SH2D3A: variants seen among roughly 807,000 people sequenced by gnomAD.
The protein encoded by SH2D3A is SH2 domain-containing protein 3A.
In SH2D3A, 46 loss-of-function variants were observed where a neutral mutation model predicts 50.6. The ratio of observed to expected loss-of-function variants is 0.91; its 90% CI spans 0.72 to 1.16. The LOEUF (loss-of-function observed/expected upper bound fraction) is 1.16. SH2D3A is among the 50% of genes most tolerant of loss of function. The pLI, the probability that SH2D3A is intolerant of heterozygous loss-of-function variation, is 0.00. For synonymous variants in SH2D3A, 377 were observed against 348.4 expected (o/e 1.08, Z -0.91); for missense variants, 783 against 786.2 (o/e 1.00, Z 0.05).
chr19:6,752,819 C>G, intron 9 of SH2D3A, 66 bp from the exon 10 acceptor site: 2 of 1,445,356 alleles, frequency 1.4e-6, no homozygotes, highest in South Asian at 1.4e-5. Flanking sequence ...CCCAACCTCC[C>G]GGCACCTTCC....
chr19:6,752,640 G>A lies in SH2D3A; in HGVS notation c.1684C>T (p.Gln562Ter), dbSNP rs770127757. The change falls in exon 10 of 10, where the codon CAG becomes TAG. Residue 562 changes from glutamine to a stop codon, truncating the protein, a stop_gained. Transcript: ENST00000245908. LOFTEE classifies it low-confidence loss of function (END_TRUNC). Reference sequence around the variant, plus strand: ...TGCGACAGGACGCCGAGGACGCGCTGGAACTTCTCAAAGCGTTCAGCGCGC... The same window carrying A: ...TGCGACAGGACGCCGAGGACGCGCTAGAACTTCTCAAAGCGTTCAGCGCGC... Reference protein sequence around the residue: ...APRAERFEKFQRVLGVLSQRL... With the variant: ...APRAERFEKF The A allele has an allele frequency of 1.9e-6, 3 of 1,559,316 alleles. No homozygotes were observed. The highest frequency in any genetic ancestry group is 2.6e-6 in the Non-Finnish European group (3 of 1,151,412).
At chr19:6,756,868 C>G (rs1434665444) in intron 4 of SH2D3A, among the ~76,000 whole-genome samples, 2 of 151,672 alleles carry the variant, frequency 1.3e-5, no homozygotes, top group Non-Finnish European at 2.9e-5. Context: ...TCGTTCCTTC[C>G]TTCCTTCCTT....
chr19:6,759,098 C>G (rs2144612140), intron 4 of SH2D3A: 1 of 160,788 alleles, frequency 6.2e-6, no homozygotes, highest in Admixed American at 6.1e-5. Flanking sequence ...GGTACAGCTC[C>G]TTGGAATAAT....
Position 6,753,633 on chromosome 19 carries a change from C to A in SH2D3A, c.1393G>T (p.Asp465Tyr). The A allele has an allele frequency of 6.3e-7, 1 of 1,575,750 alleles. No individual in the cohort carries two copies. The highest frequency in any genetic ancestry group is 1.3e-5 in the African/African-American group (1 of 74,530). Residue 465 changes from aspartate to tyrosine, a missense_variant, in exon 9 of 10, where the codon GAC becomes TAC. Physicochemically the swap from Asp to Tyr is radical, Grantham distance 160. Transcript: ENST00000245908. ...RALDEGAGPC[D>Y]PGEVALPHVA... ...TGCGGCAGCGCCACCTCGCCGGGGT[C>A]GCAGGGTCCTGCGGAGGGGGAGGGT...
rs1299299113 is a variant in SH2D3A at position 6,754,156 on chromosome 19, C to T, written c.1280G>A (p.Arg427Gln). 2.5e-6 allele frequency: 4 copies of T among 1,612,972 alleles called. No homozygotes were observed. Among genetic ancestry groups the T allele is most frequent in the East Asian group, 2.2e-5 (1 of 44,870 alleles). The stretch of plus-strand genomic sequence containing the variant: ...GAGCTGGCGCCACGTGTGCTCCAAC[C>T]GGGACACCTGGGAGAAGAGATCTGA... The part of the protein sequence containing the change: ...MGALLMPQVS[R>Q]LEHTWRQLRR... Residue 427 changes from arginine to glutamine, a missense_variant, in exon 8 of 10, where the codon CGG becomes CAG. Arg to Gln is a conservative substitution (Grantham distance 43). Coordinates refer to ENST00000245908, the MANE Select transcript of SH2D3A (RefSeq NM_005490.3).
At position 6,754,725 on chromosome 19, in the gene SH2D3A, C is replaced by G. The variant is rs1969547460; in HGVS notation, c.988G>C (p.Gly330Arg). The G allele has an allele frequency of 6.2e-7, 1 of 1,614,210 alleles. No individual in the cohort carries two copies. The change falls in exon 6 of 10, where the codon GGC (glycine) becomes CGC (arginine). Residue 330 changes from glycine (G) to arginine (R), a missense_variant. Transcript: ENST00000245908. Reference protein sequence around the residue: ...HLLLVDCQATGLLGVTRDQRG... With the variant: ...HLLLVDCQATRLLGVTRDQRG... ...TGATCTCTGGTCACTCCCAGGAGGC[C>G]TGTGGCCTGCAGAAGGGAATGGGGA...
chr19:6,765,438 ATTC>A (rs1970256070), intron 1 of SH2D3A, among the ~76,000 whole-genome samples: 1 of 151,922 alleles, frequency 6.6e-6, no homozygotes, highest in Non-Finnish European at 1.5e-5. Context: ...TCTAACCCCT[ATTC>A]TTTGCTTTAG....
intron 8 of SH2D3A, 49 bp from the exon 9 acceptor site, chr19:6,753,690 T>A (rs1969465719): frequency 2.7e-6 from 4 of 1,471,028 alleles, no homozygotes; most frequent in Non-Finnish European, 3.6e-6. Context: ...AGATGGGGCA[T>A]AGGGCAGAGG....
chr19:6,760,769 CAT>C lies in SH2D3A; in HGVS notation c.286_287del (p.Met96AspfsTer29), dbSNP rs771676114. The C allele has an allele frequency of 1.5e-5, 24 of 1,614,118 alleles. No homozygotes were observed. In the Admixed American group the frequency reaches 2.5e-4, roughly 17 times the overall value. On this transcript the variant is annotated frameshift_variant, in exon 3 of 10. Transcript: ENST00000245908. LOFTEE classifies it high-confidence loss of function. ...CCTGGGACAGTGGGCGCCTGCCTGT[CAT>C]ATAACTGTGAACCAGAGCCGGTATG... ...PSIPALVHSY[M>X]TGRRPLSQAT... is the part of the protein sequence containing the mutation.
intron 4 of SH2D3A, among the ~76,000 whole-genome samples, chr19:6,756,661 A>G (rs2145589354): frequency 6.6e-6 from 1 of 152,178 alleles, no homozygotes; most frequent in East Asian, 1.9e-4. Flanking sequence ...GACTGTATTT[A>G]CCATGCCTTT....
rs1273744571 is a variant in SH2D3A, at chr19:6,755,149, C to T, written c.663G>A (p.Leu221=). 1 of 1,611,288 alleles carries T rather than the reference C, an allele frequency of 6.2e-7. No individual in the cohort carries two copies. Among genetic ancestry groups the T allele is most frequent in the African/African-American group, 1.3e-5 (1 of 75,006 alleles). ...TKPPRTPSFE[L]PDASERPPTY... ...TCGGGGGACGTTCAGAGGCATCAGG[C>T]AGTTCGAAGGAGGGTGTCCGGGGGG... Residue 221 remains leucine, a synonymous_variant, in exon 5 of 10, where the codon CTG becomes CTA. Transcript: ENST00000245908.
At chr19:6,758,495 G>A (rs933646244) in intron 4 of SH2D3A, 1 of 123,476 alleles carries the variant, frequency 8.1e-6, no homozygotes, top group Non-Finnish European at 1.8e-5. Context: ...TAGAGACGGG[G>A]TTTCGCCATG....
Position 6,754,428 on chromosome 19 carries a change from G to C in SH2D3A, c.1098-3C>G. On this transcript the variant is annotated splice_region_variant and splice_polypyrimidine_tract_variant and intron_variant, in intron 6 of 9. Transcript: ENST00000245908. ...CGGCCAGCGCCAGTGTCTGATGCCTGCAGAGGTGGAGGGCAAGGGTCTGGG... is the reference window on the plus strand; with the variant it reads ...CGGCCAGCGCCAGTGTCTGATGCCTCCAGAGGTGGAGGGCAAGGGTCTGGG... 1.3e-6 allele frequency: 2 copies of C among 1,528,512 alleles called. No homozygotes were observed. Among genetic ancestry groups the C allele is most frequent in the Middle Eastern group, 4.2e-4 (2 of 4,726 alleles). The allele number at this position is 1,528,512 out of a possible 1,614,324, so 94.7% of individuals were successfully genotyped here. A position where few individuals can be genotyped will look rare whatever the true frequency, so the allele number is the denominator to read the frequency against.
At chr19:6,760,537 A>T in intron 3 of SH2D3A, 101 bp downstream of exon 3, 1 of 1,023,962 alleles carries the variant, frequency 9.8e-7, no homozygotes, top group Non-Finnish European at 1.4e-6. Flanking sequence ...CAGCCTGGGC[A>T]ACAGAGTGAG....
At chr19:6,756,137 G>T (rs1969657890) in intron 4 of SH2D3A, among the ~76,000 whole-genome samples, 1 of 146,824 alleles carries the variant, frequency 6.8e-6, no homozygotes, top group Non-Finnish European at 1.5e-5. Context: ...CATATCTATA[G>T]AGATAGATAT....
At chr19:6,763,595 C>T (rs1970146213) in intron 2 of SH2D3A, 85 bp downstream of exon 2, 1 of 1,312,964 alleles carries the variant, frequency 7.6e-7, no homozygotes, top group Admixed American at 2.0e-5. Context: ...GGCACTAAGT[C>T]CCTCATCCAG....
chr19:6,753,491 G>C lies in SH2D3A; in HGVS notation c.1535C>G (p.Pro512Arg), dbSNP rs1022074539. 4.6e-6 allele frequency: 7 copies of C among 1,535,476 alleles called. No homozygotes were observed. Among genetic ancestry groups the C allele is most frequent in the Non-Finnish European group, 6.2e-6 (7 of 1,137,902 alleles). ...CTGGGCTGCCACCTTGCGGAATTTG[G>C]GTGCGTCCCGGACCATGTGACGCGC... ...HGARHMVRDA[P>R]KFRKVAAQRL... Residue 512 changes from proline (P) to arginine (R), a missense_variant, in exon 9 of 10, where the codon CCC becomes CGC. Transcript: ENST00000245908.
At position 6,753,241 on chromosome 19, in the gene SH2D3A, GT is replaced by G. The variant is rs1470982454; in HGVS notation, c.1570+214del. 3.0e-6 allele frequency: 3 copies of G among 985,302 alleles called. No individual in the cohort carries two copies. In the African/African-American group the frequency reaches 5.2e-5, roughly 17 times the overall value. 61.0% of individuals were successfully genotyped at this position (985,302 alleles called of 1,614,324 possible). A position where few individuals can be genotyped will look rare whatever the true frequency, so the allele number is the denominator to read the frequency against. ...GGTGGCTCTGGGGGCAGGACAGCCC[GT>G]TTTGAGGTGGACGGCCCTGTTCCTA... On this transcript the variant is annotated intron_variant, in intron 9 of 9. Transcript: ENST00000245908.
intron 2 of SH2D3A, among the ~76,000 whole-genome samples, chr19:6,762,436 C>T (rs1342124885): frequency 4.6e-5 from 7 of 151,314 alleles, no homozygotes; most frequent in African/African-American, 7.3e-5. Context: ...CTACCCACCT[C>T]GGCCTCCCAA....
Sources: gnomAD v4.1 joint callset for allele counts (sites outside exome capture counted in the v4.1 genomes callset) on GRCh38, gnomAD v4.1.1 for gene constraint, MANE v1.5 for transcripts, NCBI Gene and HGNC (gene_info 2026-07-23, HGNC 2026-07-21) for gene names.